The following ZMAT4 variants were observed in gnomAD, a reference collection of about 807,000 sequenced individuals.
The protein encoded by ZMAT4 is zinc finger matrin-type 4, also known as zinc finger matrin-type protein 4.
ZMAT4 carries 17 observed loss-of-function variants against 28.7 expected under a neutral mutation model. That is an observed-to-expected ratio of 0.59 (90% CI 0.41 to 0.89). The LOEUF (loss-of-function observed/expected upper bound fraction) is 0.89. ZMAT4 is among the 40% of genes least tolerant of loss of function. The pLI is 0.00. For synonymous variants in ZMAT4, 117 were observed against 109.2 expected, an observed-to-expected ratio of 1.07 and a Z score of -0.44; for missense variants, 240 against 283.8, an observed-to-expected ratio of 0.85 and a Z score of 1.11.
intron 5 of ZMAT4, among the ~76,000 whole-genome samples, chr8:40,599,945 A>G (rs1228841145): frequency 6.6e-6 from 1 of 152,162 alleles, no homozygotes; most frequent in Non-Finnish European, 1.5e-5. Flanking sequence ...TTCATCAAGC[A>G]GAGTGTGGGA....
intron 5 of ZMAT4, among the ~76,000 whole-genome samples, chr8:40,615,446 G>A (rs556796072): frequency 2.0e-5 from 3 of 152,094 alleles, no homozygotes; most frequent in Non-Finnish European, 2.9e-5. Context: ...GGCATTCTCC[G>A]TATTTCCTGA....
At chr8:40,754,537 A>T (rs1336896087) in intron 3 of ZMAT4, among the ~76,000 whole-genome samples, 1 of 152,110 alleles carries the variant, frequency 6.6e-6, no homozygotes, top group Non-Finnish European at 1.5e-5. Context: ...GACGAGTTCT[A>T]CTATTTTTTT....
intron 2 of ZMAT4, among the ~76,000 whole-genome samples, chr8:40,810,640 T>A (rs920561355): frequency 6.6e-6 from 1 of 152,182 alleles, no homozygotes; most frequent in African/African-American, 2.4e-5. Context: ...ATACTTAATA[T>A]TTTTTGATCT....
chr8:40,568,145 G>T (rs998676792), intron 6 of ZMAT4, among the ~76,000 whole-genome samples: 1 of 152,044 alleles, frequency 6.6e-6, no homozygotes. Flanking sequence ...ATACTCCATG[G>T]TCTCCAGAGA....
chr8:40,891,626 G>A (rs530177610), intron 1 of ZMAT4, among the ~76,000 whole-genome samples: 1 of 152,226 alleles, frequency 6.6e-6, no homozygotes, highest in African/African-American at 2.4e-5. Context: ...CCTGCTGCCT[G>A]AGGGGCTGAT....
chr8:40,816,619 A>C (rs1815551732), intron 2 of ZMAT4, among the ~76,000 whole-genome samples: 1 of 152,200 alleles, frequency 6.6e-6, no homozygotes, highest in African/African-American at 2.4e-5. Context: ...TGGAAGGCAC[A>C]CTACCTGCCT....
At chr8:40,596,433 T>C (rs546976354) in intron 5 of ZMAT4, among the ~76,000 whole-genome samples, 13 of 152,374 alleles carry the variant, frequency 8.5e-5, no homozygotes, top group African/African-American at 2.9e-4. Context: ...TACAAAAACA[T>C]TTTATTTCCT....
intron 1 of ZMAT4, among the ~76,000 whole-genome samples, chr8:40,864,368 A>G (rs1817604448): frequency 6.6e-6 from 1 of 152,204 alleles, no homozygotes; most frequent in Non-Finnish European, 1.5e-5. Flanking sequence ...TTTATTTTAA[A>G]AGCAGTTGGA....
intron 2 of ZMAT4, among the ~76,000 whole-genome samples, chr8:40,804,081 G>T (rs1206975790): frequency 3.3e-5 from 5 of 152,294 alleles, no homozygotes; most frequent in Admixed American, 1.3e-4. Context: ...AATTAGTGGG[G>T]AGCAAGGGAT....
intron 4 of ZMAT4, among the ~76,000 whole-genome samples, chr8:40,688,671 C>T (rs13255639): frequency 0.053 from 8,031 of 152,154 alleles, 255 homozygotes; most frequent in Middle Eastern, 0.078. Flanking sequence ...AACAACTTCT[C>T]TGAAGGCTGG....
At chr8:40,875,522 A>T (rs1458358712) in intron 1 of ZMAT4, among the ~76,000 whole-genome samples, 3 of 152,190 alleles carry the variant, frequency 2.0e-5, no homozygotes, top group Non-Finnish European at 2.9e-5. Flanking sequence ...TTGGCAACAA[A>T]AATACCAGTT....
At chr8:40,623,252 C>G (rs545060307) in intron 5 of ZMAT4, among the ~76,000 whole-genome samples, 143 of 152,252 alleles carry the variant, frequency 9.4e-4, no homozygotes, top group African/African-American at 3.4e-3. Context: ...CATCCGAGTT[C>G]CTGGCTTCAT....
chr8:40,542,058 T>TG (rs1803051979), intron 6 of ZMAT4, among the ~76,000 whole-genome samples: 1 of 151,880 alleles, frequency 6.6e-6, no homozygotes, highest in Admixed American at 6.6e-5. Context: ...TATGTTTTGT[T>TG]GGGGGGAGGA....
chr8:40,785,928 C>T (rs1643971649), intron 2 of ZMAT4, among the ~76,000 whole-genome samples: 1 of 151,994 alleles, frequency 6.6e-6, no homozygotes. Context: ...ATTCTGAAAA[C>T]TGGTTAATAA....
intron 5 of ZMAT4, among the ~76,000 whole-genome samples, chr8:40,633,106 A>G (rs1399968245): frequency 1.0e-5 from 1 of 99,984 alleles, no homozygotes; most frequent in Admixed American, 9.5e-5. Context: ...AATTCATTAC[A>G]GAAGAAATGC....
chr8:40,843,728 C>T (rs2150628753), intron 1 of ZMAT4, among the ~76,000 whole-genome samples: 1 of 152,334 alleles, frequency 6.6e-6, no homozygotes, highest in East Asian at 1.9e-4. Context: ...CCTGAGACTG[C>T]TCCTTGTCCA....
At chr8:40,664,811 T>C (rs1026423239) in intron 5 of ZMAT4, among the ~76,000 whole-genome samples, 6 of 152,214 alleles carry the variant, frequency 3.9e-5, no homozygotes, top group African/African-American at 1.4e-4. Context: ...TAATTATTGC[T>C]ATTGATATTT....
intron 5 of ZMAT4, among the ~76,000 whole-genome samples, chr8:40,613,069 C>A (rs1805859629): frequency 6.6e-6 from 1 of 151,792 alleles, no homozygotes; most frequent in Non-Finnish European, 1.5e-5. Flanking sequence ...CCTCAGCCTC[C>A]CAAAGTGCTG....
At chr8:40,761,035 G>A (rs1392613437) in intron 3 of ZMAT4, among the ~76,000 whole-genome samples, 1 of 146,654 alleles carries the variant, frequency 6.8e-6, no homozygotes, top group Non-Finnish European at 1.5e-5. Flanking sequence ...AAAGAAGGAA[G>A]AAAGAAAGGT....
Sources: gnomAD v4.1 joint callset for allele counts (sites outside exome capture counted in the v4.1 genomes callset) on GRCh38, gnomAD v4.1.1 for gene constraint, MANE v1.5 for transcripts, NCBI Gene and HGNC (gene_info 2026-07-23, HGNC 2026-07-21) for gene names.